The following PBX3 variants were observed in gnomAD, a reference collection of about 807,000 sequenced individuals.
The protein encoded by PBX3 is pre-B-cell leukemia transcription factor 3.
A neutral mutation model predicts 48.5 loss-of-function variants in PBX3; 14 were observed. That is an observed-to-expected ratio of 0.29 (90% CI 0.19 to 0.45). The LOEUF (loss-of-function observed/expected upper bound fraction) is 0.45. PBX3 is among the 20% of genes least tolerant of loss of function. The pLI is 1.00. For synonymous variants in PBX3, 210 were observed against 200.3 expected, an observed-to-expected ratio of 1.05 and a Z score of -0.41; for missense variants, 386 against 546.7, an observed-to-expected ratio of 0.71 and a Z score of 2.93.
At chr9:125,833,711 T>C (rs1368887074) in intron 2 of PBX3, among the ~76,000 whole-genome samples, 3 of 152,214 alleles carry the variant, frequency 2.0e-5, no homozygotes, top group South Asian at 4.1e-4. Flanking sequence ...TTTTGTAATA[T>C]GATTTCGTTC....
chr9:125,802,817 T>A (rs1053803159), intron 2 of PBX3, among the ~76,000 whole-genome samples: 3 of 151,716 alleles, frequency 2.0e-5, no homozygotes, highest in Admixed American at 6.6e-5. Context: ...TAGCTGGGAT[T>A]ACAGGTGCAT....
intron 5 of PBX3, among the ~76,000 whole-genome samples, chr9:125,935,840 C>G (rs947389726): frequency 6.6e-6 from 1 of 152,194 alleles, no homozygotes; most frequent in Non-Finnish European, 1.5e-5. Context: ...CAGTGTAAAT[C>G]TTCTCTAGAG....
Position 125,747,635 on chromosome 9 carries a change from T to G in PBX3, c.182T>G (p.Leu61Trp). ...HQIMTITDQS[L>W]DEAQAKKHAL... is the part of the protein sequence containing the mutation. ...ATCATGACCATCACCGACCAGAGCTTGGACGAGGCGCAAGCAAAGTTGGTG... is the reference window on the plus strand; with the variant it reads ...ATCATGACCATCACCGACCAGAGCTGGGACGAGGCGCAAGCAAAGTTGGTG... The change falls in exon 1 of 9, where the codon TTG becomes TGG. Residue 61 changes from leucine to tryptophan, a missense_variant. Transcript: ENST00000373489. The G allele has an allele frequency of 6.3e-7, 1 of 1,593,076 alleles. No homozygotes were observed. Among genetic ancestry groups the G allele is most frequent in the Non-Finnish European group, 8.5e-7 (1 of 1,170,234 alleles).
chr9:125,778,142 A>G (rs1348285357), intron 2 of PBX3, among the ~76,000 whole-genome samples: 4 of 151,592 alleles, frequency 2.6e-5, no homozygotes, highest in Non-Finnish European at 4.4e-5. Flanking sequence ...TGTATTTTTT[A>G]GTAGAGATGG....
At chr9:125,842,213 C>A (rs1839306913) in intron 2 of PBX3, among the ~76,000 whole-genome samples, 1 of 152,140 alleles carries the variant, frequency 6.6e-6, no homozygotes, top group African/African-American at 2.4e-5. Flanking sequence ...TGTGCTAGCT[C>A]TTCTCTTTCA....
At chr9:125,879,187 C>T (rs1025895146) in intron 2 of PBX3, among the ~76,000 whole-genome samples, 2 of 149,576 alleles carry the variant, frequency 1.3e-5, no homozygotes, top group Non-Finnish European at 3.0e-5. Context: ...AAGTGATTCT[C>T]CTGCCTCAGC....
At chr9:125,828,879 G>T (rs771619132) in intron 2 of PBX3, among the ~76,000 whole-genome samples, 2 of 152,088 alleles carry the variant, frequency 1.3e-5, no homozygotes, top group Non-Finnish European at 2.9e-5. Flanking sequence ...AATGTAAGTC[G>T]CCTTCTTTGT....
chr9:125,752,429 G>A (rs530604134), intron 2 of PBX3, among the ~76,000 whole-genome samples: 62 of 152,260 alleles, frequency 4.1e-4, no homozygotes, highest in Admixed American at 1.2e-3. Flanking sequence ...AGAGTCATAA[G>A]AATTTTAGAT....
intron 2 of PBX3, among the ~76,000 whole-genome samples, chr9:125,805,125 G>A (rs1487448589): frequency 6.6e-6 from 1 of 151,834 alleles, no homozygotes; most frequent in Non-Finnish European, 1.5e-5. Flanking sequence ...ATTTTTTTGA[G>A]GCGGTATCAT....
At chr9:125,752,716 A>G (rs1032449669) in intron 2 of PBX3, among the ~76,000 whole-genome samples, 3 of 152,194 alleles carry the variant, frequency 2.0e-5, no homozygotes, top group African/African-American at 7.2e-5. Context: ...TTTTAATTCT[A>G]CATATGTAAA....
At chr9:125,936,641 G>A (rs1455036799) in intron 5 of PBX3, among the ~76,000 whole-genome samples, 2 of 152,172 alleles carry the variant, frequency 1.3e-5, no homozygotes, top group African/African-American at 4.8e-5. Context: ...GGGCCTGGGT[G>A]TAAGATGATT....
At chr9:125,862,312 T>G (rs1250364075) in intron 2 of PBX3, among the ~76,000 whole-genome samples, 3 of 152,206 alleles carry the variant, frequency 2.0e-5, no homozygotes, top group African/African-American at 7.2e-5. Flanking sequence ...CAAAATTTCT[T>G]ACATATGGTA....
chr9:125,755,672 G>GTTTTTTTTTTTTTTT (rs11310993), intron 2 of PBX3, among the ~76,000 whole-genome samples: 1 of 95,232 alleles, frequency 1.1e-5, no homozygotes, highest in Non-Finnish European at 2.1e-5. Context: ...GAGGAGCTTT[G>GTTTTTTTTTTTTTTT]TTTTTTTTTT....
chr9:125,762,450 CT>C (rs1401487232), intron 2 of PBX3, among the ~76,000 whole-genome samples: 1 of 152,012 alleles, frequency 6.6e-6, no homozygotes, highest in Non-Finnish European at 1.5e-5. Context: ...TTAATTAGAA[CT>C]GACTGTTTAA....
At chr9:125,864,287 C>T (rs1349038916) in intron 2 of PBX3, among the ~76,000 whole-genome samples, 6 of 151,976 alleles carry the variant, frequency 3.9e-5, no homozygotes, top group Non-Finnish European at 1.5e-5. Flanking sequence ...TTTTGGGAGT[C>T]AATTATTAGA....
At chr9:125,763,930 TTA>T (rs1836736413) in intron 2 of PBX3, among the ~76,000 whole-genome samples, 2 of 152,360 alleles carry the variant, frequency 1.3e-5, no homozygotes, top group South Asian at 4.1e-4. Context: ...AAAGGATATT[TTA>T]TGTCATTTAA....
intron 2 of PBX3, among the ~76,000 whole-genome samples, chr9:125,899,454 T>TAGAGAGAGAGAG (rs202004098): frequency 3.9e-5 from 4 of 103,756 alleles, no homozygotes; most frequent in Middle Eastern, 9.9e-3. Flanking sequence ...TATATATATA[T>TAGAGAGAGAGAG]AGAGAGAGAG....
intron 2 of PBX3, among the ~76,000 whole-genome samples, chr9:125,903,889 A>G (rs1462460281): frequency 6.6e-6 from 1 of 151,780 alleles, no homozygotes; most frequent in Non-Finnish European, 1.5e-5. Flanking sequence ...TAGCTTTTTC[A>G]CCTTCCAGCT....
chr9:125,898,205 A>T (rs1280663035), intron 2 of PBX3, among the ~76,000 whole-genome samples: 1 of 151,708 alleles, frequency 6.6e-6, no homozygotes, highest in African/African-American at 2.4e-5. Context: ...GTTGGAAGCT[A>T]CTATTCTCAC....
Sources: gnomAD v4.1 joint callset for allele counts (sites outside exome capture counted in the v4.1 genomes callset) on GRCh38, gnomAD v4.1.1 for gene constraint, MANE v1.5 for transcripts, NCBI Gene and HGNC (gene_info 2026-07-23, HGNC 2026-07-21) for gene names.